DLG5: variants seen among roughly 807,000 people sequenced by gnomAD.
DLG5 encodes the protein discs large MAGUK scaffold protein 5, also known as disks large homolog 5.
In DLG5, 48 loss-of-function variants were observed where a neutral mutation model predicts 189.8. That is an observed-to-expected ratio of 0.25 (90% CI 0.20 to 0.32). The LOEUF (loss-of-function observed/expected upper bound fraction) is 0.32. Among genes scored for constraint, DLG5 ranks in the 10% least tolerant of loss-of-function variants. The pLI is 1.00. For synonymous variants in DLG5, 1,016 were observed against 1,054.1 expected (o/e 0.96, Z 0.70); for missense variants, 2,160 against 2,544.7 (o/e 0.85, Z 3.25).
intron 20 of DLG5, 113 bp from the exon 21 acceptor site, chr10:77,812,490 G>C (rs1455402806): frequency 4.8e-6 from 6 of 1,249,752 alleles, no homozygotes; most frequent in Non-Finnish European, 5.5e-6. Context: ...CCCCGAGCCT[G>C]GATGCTCCCA....
At chr10:77,833,566 AGT>A (rs1466055186) in intron 9 of DLG5, among the ~76,000 whole-genome samples, 1 of 152,062 alleles carries the variant, frequency 6.6e-6, no homozygotes, top group Non-Finnish European at 1.5e-5. Context: ...TGAGTGAGTG[AGT>A]GAGTGAGTAG....
Position 77,853,341 on chromosome 10 carries a change from G to C in DLG5, c.864+13C>G. ...CTTGGGAGAAATGGCCAGTCTCCAG[G>C]GGCTGGGCCTACCTGCTGCTGCTGG... On this transcript the variant is annotated intron_variant, in intron 5 of 31. Transcript: ENST00000372391. 1 of 1,501,264 alleles carries C rather than the reference G, an allele frequency of 6.7e-7. No homozygotes were observed. Among genetic ancestry groups the C allele is most frequent in the Non-Finnish European group, 9.0e-7 (1 of 1,112,318 alleles). 93.0% of individuals were successfully genotyped at this position (1,501,264 alleles called of 1,614,324 possible). A position where few individuals can be genotyped will look rare whatever the true frequency, so the allele number is the denominator to read the frequency against.
At chr10:77,937,557 A>G in the DLG5 span, among the ~76,000 whole-genome samples, 2 of 152,076 alleles carry the variant, frequency 1.3e-5, no homozygotes, top group Non-Finnish European at 2.9e-5. Flanking sequence ...AAGGCAAGGG[A>G]AAGTGTGCCA....
At chr10:77,822,410 C>G (rs534536686) in intron 14 of DLG5, among the ~76,000 whole-genome samples, 49 of 152,288 alleles carry the variant, frequency 3.2e-4, no homozygotes, top group African/African-American at 1.1e-3. Flanking sequence ...CTTTGGTAGG[C>G]TGAGGCAGGC....
chr10:77,870,952 GAA>G (rs1844874017), intron 1 of DLG5, among the ~76,000 whole-genome samples: 1 of 152,008 alleles, frequency 6.6e-6, no homozygotes, highest in African/African-American at 2.4e-5. Context: ...GTGTCCATCA[GAA>G]AAAGAGATGA....
chr10:77,823,120 T>C (rs937300870), intron 14 of DLG5, among the ~76,000 whole-genome samples: 1 of 152,176 alleles, frequency 6.6e-6, no homozygotes, highest in South Asian at 2.1e-4. Flanking sequence ...CTAACTACAC[T>C]AACGCAAAAT....
intron 1 of DLG5, among the ~76,000 whole-genome samples, chr10:77,923,818 C>G (rs921580048): frequency 1.1e-4 from 17 of 152,188 alleles, no homozygotes; most frequent in African/African-American, 4.1e-4. Context: ...CCCTCTTCCC[C>G]AGGGGCTTCA....
chr10:77,928,201 T>C (rs1350126374), upstream of DLG5: 1 of 152,014 alleles, frequency 6.6e-6, no homozygotes, highest in African/African-American at 2.4e-5. Flanking sequence ...TTAGGAAAAA[T>C]GGTGGAGGGA....
intron 1 of DLG5, among the ~76,000 whole-genome samples, chr10:77,895,160 C>CA (rs1025622487): frequency 1.4e-4 from 22 of 152,202 alleles, no homozygotes; most frequent in African/African-American, 5.1e-4. Flanking sequence ...AGCAGGCACT[C>CA]AGCTGACAGA....
At chr10:77,831,290 G>A (rs940128057) in intron 9 of DLG5, among the ~76,000 whole-genome samples, 4 of 151,916 alleles carry the variant, frequency 2.6e-5, no homozygotes, top group South Asian at 2.1e-4. Flanking sequence ...CTGTAACCTC[G>A]GCTACTCAGG....
Position 77,791,575 on chromosome 10 carries a change from G to GCAAA in DLG5, c.*861_*864dup, listed in dbSNP as rs1306293651. Reference sequence around the variant, plus strand: ...CTCTAAAAAGTTTAAGAATTACCCTGCAAACATTGCACTGATGAAGGCTGT... The same window carrying GCAAA: ...CTCTAAAAAGTTTAAGAATTACCCTGCAAACAAACATTGCACTGATGAAGGCTGT... On this transcript the variant is annotated 3_prime_UTR_variant, in exon 32 of 32. Transcript: ENST00000372391. The GCAAA allele has an allele frequency of 3.3e-5, 5 of 152,314 alleles. No individual in the cohort carries two copies. The highest frequency in any genetic ancestry group is 7.3e-5 in the Non-Finnish European group (5 of 68,036). 9.4% of individuals were successfully genotyped at this position (152,314 alleles called of 1,614,324 possible). A position where few individuals can be genotyped will look rare whatever the true frequency, so the allele number is the denominator to read the frequency against.
intron 1 of DLG5, among the ~76,000 whole-genome samples, chr10:77,916,659 C>T (rs12262844): frequency 0.062 from 9,397 of 151,994 alleles, 971 homozygotes; most frequent in African/African-American, 0.21. Context: ...GTGCTGTGAA[C>T]AGTATGGATT....
At chr10:77,850,990 G>C (rs1198375331) in intron 5 of DLG5, among the ~76,000 whole-genome samples, 1 of 152,356 alleles carries the variant, frequency 6.6e-6, no homozygotes, top group South Asian at 2.1e-4. Flanking sequence ...AGACCAAGAA[G>C]AACAAACTGC....
chr10:77,937,933 G>C, the DLG5 span, among the ~76,000 whole-genome samples: 3 of 146,426 alleles, frequency 2.0e-5, no homozygotes, highest in African/African-American at 7.6e-5. Flanking sequence ...GGCCAGGCTG[G>C]TCTCAAACTC....
In DLG5 at chr10:77,926,514, G is replaced by A. The variant is rs2131890276; in HGVS notation, c.7C>T (p.Pro3Ser). 3 of 1,313,570 alleles carry A rather than the reference G, an allele frequency of 2.3e-6. No homozygotes were observed. The highest frequency in any genetic ancestry group is 1.9e-6 in the Non-Finnish European group (2 of 1,031,236). The allele number at this position is 1,313,570 out of a possible 1,614,324, so 81.4% of individuals were successfully genotyped here. Reference sequence around the variant, plus strand: ...TGGGCGAGCAGCTCCCGGCGCTGGGGCTCCATGGTGGCGGGCCGCGCCGCC... The same window carrying A: ...TGGGCGAGCAGCTCCCGGCGCTGGGACTCCATGGTGGCGGGCCGCGCCGCC... ME[P>S]QRRELLAQCQ... The change falls in exon 1 of 32, where the codon CCC (proline) becomes TCC (serine). Residue 3 changes from proline to serine, a missense_variant. Physicochemically the swap from Pro to Ser is moderately conservative, Grantham distance 74. This residue lies in a region of DLG5 where 664 missense variants were observed against 838.5 expected (regional missense o/e 0.79). Coordinates refer to ENST00000372391, the MANE Select transcript of DLG5 (RefSeq NM_004747.4). This position sits in a 1 kb window ranked among gnomAD's most constrained non-coding sequence, Gnocchi z 5.2.
At chr10:77,834,145 C>G in intron 8 of DLG5, 106 bp from the exon 9 acceptor site, 2 of 1,421,950 alleles carry the variant, frequency 1.4e-6, no homozygotes, top group Admixed American at 2.4e-5. Flanking sequence ...CCTGCCGGCA[C>G]CTATCCCATC....
intron 1 of DLG5, among the ~76,000 whole-genome samples, chr10:77,896,510 G>A (rs1845763194): frequency 6.6e-6 from 1 of 152,144 alleles, no homozygotes; most frequent in Admixed American, 6.6e-5. Context: ...AGGAAAACAA[G>A]TTTTATATGG....
At position 77,808,102 on chromosome 10, in the gene DLG5, GGTCTCCCCA is replaced by G. The variant is rs1445850135; in HGVS notation, c.4648-167_4648-159del. The stretch of plus-strand genomic sequence containing the variant: ...TCTGCAGGAAGGACTGAGTCTTCAT[GGTCTCCCCA>G]GTCTCCAGGTCCTGTGCATGCTCCC... On this transcript the variant is annotated intron_variant, in intron 24 of 31. Coordinates refer to ENST00000372391, the MANE Select transcript of DLG5 (RefSeq NM_004747.4). 5 of 886,030 alleles carry G rather than the reference GGTCTCCCCA, an allele frequency of 5.6e-6. No homozygotes were observed. The African/African-American group carries it at 8.4e-5, about 15-fold the overall frequency. The allele number at this position is 886,030 out of a possible 1,614,324, so 54.9% of individuals were successfully genotyped here. A position where few individuals can be genotyped will look rare whatever the true frequency, so the allele number is the denominator to read the frequency against.
At chr10:77,835,090 G>A (rs1309562947) in intron 8 of DLG5, among the ~76,000 whole-genome samples, 2 of 151,996 alleles carry the variant, frequency 1.3e-5, no homozygotes, top group African/African-American at 4.8e-5. Flanking sequence ...CCTGCCCCTG[G>A]GAATCTCGCC....
Sources: gnomAD v4.1 joint callset for allele counts (sites outside exome capture counted in the v4.1 genomes callset) on GRCh38, gnomAD v4.1.1 for gene constraint, gnomAD v4.1.1 regional missense constraint, Gnocchi (gnomAD v3.1) non-coding constraint, MANE v1.5 for transcripts, NCBI Gene and HGNC (gene_info 2026-07-23, HGNC 2026-07-21) for gene names.